Variants in KDM5C observed in about 807,000 individuals in gnomAD.
KDM5C encodes the protein lysine-specific demethylase 5C.
In KDM5C, 16 loss-of-function variants were observed where a neutral mutation model predicts 110.6. The observed-to-expected ratio is 0.14, with a 90% CI of 0.10 to 0.22. The LOEUF is 0.22. Among genes scored for constraint, KDM5C ranks in the 10% least tolerant of loss-of-function variants. The pLI, the probability that KDM5C is intolerant of heterozygous loss-of-function variation, is 1.00. For missense variants in KDM5C, 681 were observed against 1,300.9 expected, an observed-to-expected ratio of 0.52 and a Z score of 7.33; for synonymous variants, 511 against 520.4, an observed-to-expected ratio of 0.98 and a Z score of 0.24.
In KDM5C at chrX:53,217,173, A is replaced by G; in HGVS notation, c.627T>C (p.Tyr209=). The part of the protein sequence containing the change: ...QSVQPSKFNS[Y]GRRAKRLQPD... The stretch of plus-strand genomic sequence containing the variant: ...GCTGCAGTCTCTTGGCCCGCCGGCC[A>G]TAGCTGTTGAACTTGGAAGGCTGCA... Residue 209 remains tyrosine, a synonymous_variant, in exon 5 of 26, where the codon TAT becomes TAC. Transcript: ENST00000375401. 8.3e-7 allele frequency: 1 copy of G among 1,210,453 alleles called. No individual in the cohort carries two copies. The highest frequency in any genetic ancestry group is 1.1e-6 in the Non-Finnish European group (1 of 894,778).
At position 53,194,651 on chromosome X, in the gene KDM5C, C is replaced by T. The variant is rs782584200; in HGVS notation, c.3526G>A (p.Ala1176Thr). The T allele has an allele frequency of 8.3e-7, 1 of 1,212,007 alleles. No homozygotes were observed. The highest frequency in any genetic ancestry group is 1.8e-5 in the South Asian group (1 of 56,982). ...RTNSAKPSPL[A>T]SSSTASSTTS... The stretch of plus-strand genomic sequence containing the variant: ...GTAGAGGAGGCCGTGCTCGATGATG[C>T]CAGTGGACTGGGCTTGGCCGAATTG... Residue 1176 changes from alanine to threonine, a missense_variant, in exon 23 of 26, where the codon GCA becomes ACA. Physicochemically the swap from Ala to Thr is moderately conservative, Grantham distance 58. Transcript: ENST00000375401.
intron 12 of KDM5C, among the ~76,000 whole-genome samples, chrX:53,204,384 T>C (rs1222682945): frequency 9.1e-6 from 1 of 110,494 alleles, no homozygotes; most frequent in Non-Finnish European, 1.9e-5. Context: ...CCACCTTCAA[T>C]TGTACCTAGG....
chrX:53,177,483 GGAATGATTGT>G (rs1272888337), intron 25 of KDM5C, among the ~76,000 whole-genome samples: 23 of 112,775 alleles, frequency 2.0e-4, no homozygotes, highest in Non-Finnish European at 3.9e-4. Context: ...ATGACAGTAA[GGAATGATTGT>G]GAATTGTGTT....
intron 8 of KDM5C, among the ~76,000 whole-genome samples, chrX:53,213,080 C>T (rs782523880): frequency 1.8e-4 from 20 of 112,548 alleles, no homozygotes; most frequent in African/African-American, 6.1e-4. Context: ...TAATCCTGTT[C>T]TTGAGACTGT....
chrX:53,178,259 T>C (rs1175104921), intron 25 of KDM5C, among the ~76,000 whole-genome samples: 1 of 112,480 alleles, frequency 8.9e-6, no homozygotes, highest in Non-Finnish European at 1.9e-5. Flanking sequence ...TGTTTTCTGC[T>C]TTCAAAGCAA....
intron 12 of KDM5C, chrX:53,202,306 C>T: frequency 4.2e-6 from 1 of 240,753 alleles, no homozygotes. Flanking sequence ...GTTATATATG[C>T]AGTTTGTAGA....
At chrX:53,189,679 A>C (rs1280345238), downstream of KDM5C, among the ~76,000 whole-genome samples, 1 of 112,630 alleles carries the variant, frequency 8.9e-6, no homozygotes, top group Non-Finnish European at 1.9e-5. Context: ...AATGCAAAGG[A>C]AACAGAGTCA....
chrX:53,179,071 C>A (rs1486560164), intron 25 of KDM5C, among the ~76,000 whole-genome samples: 2 of 112,064 alleles, frequency 1.8e-5, no homozygotes, highest in African/African-American at 6.5e-5. Context: ...CTTGTCTCTA[C>A]CAAAATACAA....
chrX:53,192,853 G>T lies in KDM5C; in HGVS notation c.*114C>A. On this transcript the variant is annotated 3_prime_UTR_variant, in exon 26 of 26. Transcript: ENST00000375401. Reference sequence around the variant, plus strand: ...GGACTCAGGGGTGGGCGGGTAGCAGGGATGGCCACCCCCCTACCCGCCCAC... The same window carrying T: ...GGACTCAGGGGTGGGCGGGTAGCAGTGATGGCCACCCCCCTACCCGCCCAC... The T allele has an allele frequency of 1.1e-6, 1 of 929,078 alleles. No homozygotes were observed. 76.6% of individuals were successfully genotyped at this position (929,078 alleles called of 1,213,427 possible).
chrX:53,214,380 T>C (rs1441398084), intron 8 of KDM5C: 8 of 270,707 alleles, frequency 3.0e-5, no homozygotes, highest in African/African-American at 2.2e-4. Context: ...TTATTACCCT[T>C]AGCTATTTTC....
chrX:53,196,461 A>G (rs1233873819), intron 19 of KDM5C, among the ~76,000 whole-genome samples: 1 of 112,685 alleles, frequency 8.9e-6, no homozygotes, highest in Non-Finnish European at 1.9e-5. Context: ...CTTCTAGATA[A>G]TCTCTATCTG....
intron 18 of KDM5C, 45 bp from the exon 19 acceptor site, chrX:53,197,089 C>T (rs782138256): frequency 2.0e-6 from 2 of 1,008,910 alleles, no homozygotes; most frequent in African/African-American, 3.7e-5. Context: ...GCTGGGCCCA[C>T]TGAGGGGTTC....
At chrX:53,208,787 G>A (rs1467822925) in intron 12 of KDM5C, among the ~76,000 whole-genome samples, 11 of 93,626 alleles carry the variant, frequency 1.2e-4, no homozygotes, top group African/African-American at 4.4e-4. Flanking sequence ...TTACAGGCAT[G>A]AGCCACCACA....
chrX:53,211,251 C>T (rs921953290), intron 10 of KDM5C, among the ~76,000 whole-genome samples: 1 of 111,653 alleles, frequency 9.0e-6, no homozygotes, highest in African/African-American at 3.3e-5. Context: ...ATTTTTATAA[C>T]AAATTTGCAA....
downstream of KDM5C, chrX:53,191,339 C>T: frequency 5.7e-6 from 1 of 173,978 alleles, no homozygotes; most frequent in Admixed American, 7.8e-5. Context: ...TATACGATTC[C>T]ATTTATGTAA....
intron 18 of KDM5C, 99 bp downstream of exon 18, chrX:53,197,672 T>C: frequency 3.0e-6 from 2 of 663,909 alleles, no homozygotes; most frequent in South Asian, 4.7e-5. Context: ...TGTCCTGTCT[T>C]GCCTGAACAC....
chrX:53,185,008 A>G (rs1934178373), intron 25 of KDM5C, among the ~76,000 whole-genome samples: 1 of 112,453 alleles, frequency 8.9e-6, no homozygotes, highest in Admixed American at 9.5e-5. Flanking sequence ...GTTTAGGGCA[A>G]TAAGAATGTT....
intron 7 of KDM5C, chrX:53,215,578 C>A: frequency 2.2e-6 from 1 of 454,988 alleles, no homozygotes; most frequent in South Asian, 3.2e-5. Context: ...TTCTCTGGAC[C>A]CTTCCAGCAC....
Position 53,216,187 on chromosome X carries a change from G to A in KDM5C, c.668C>T (p.Thr223Ile). Residue 223 changes from threonine to isoleucine, a missense_variant, in exon 6 of 26, where the codon ACA (threonine) becomes ATA (isoleucine). By Grantham distance (89) the Thr-to-Ile change is moderately conservative. Coordinates refer to ENST00000375401, the MANE Select transcript of KDM5C (RefSeq NM_004187.5). The stretch of plus-strand genomic sequence containing the variant: ...TGGATTCTTCTCAATGTCTTCCTCT[G>A]TGGGTTCCGGCTGGAAGGAAAGAAG... Reference protein sequence around the residue: ...AKRLQPDPEPTEEDIEKNPEL... With the variant: ...AKRLQPDPEPIEEDIEKNPEL... 3.3e-6 allele frequency: 4 copies of A among 1,211,837 alleles called. No homozygotes were observed. Among genetic ancestry groups the A allele is most frequent in the Non-Finnish European group, 4.5e-6 (4 of 895,547 alleles).
Sources: gnomAD v4.1 joint callset for allele counts (sites outside exome capture counted in the v4.1 genomes callset) on GRCh38, gnomAD v4.1.1 for gene constraint, MANE v1.5 for transcripts, NCBI Gene and HGNC (gene_info 2026-07-23, HGNC 2026-07-21) for gene names.